Variants in CADPS observed in about 807,000 individuals in gnomAD.
The protein encoded by CADPS is calcium dependent secretion activator.
Under a neutral mutation model 167.3 loss-of-function variants are expected in CADPS, and 57 were observed. The ratio of observed to expected loss-of-function variants is 0.34; its 90% CI spans 0.28 to 0.42. The LOEUF (loss-of-function observed/expected upper bound fraction) is 0.42. Ranked by LOEUF, CADPS falls within the 20% of genes least tolerant of loss-of-function variation. CADPS has a pLI of 1.00. For missense variants in CADPS, 1,414 were observed against 1,738.1 expected (o/e 0.81, Z 3.32); for synonymous variants, 676 against 635.3 (o/e 1.06, Z -0.96).
At chr3:62,684,602 C>T (rs1164732540) in intron 3 of CADPS, among the ~76,000 whole-genome samples, 6 of 151,872 alleles carry the variant, frequency 4.0e-5, no homozygotes, top group African/African-American at 9.7e-5. Context: ...AAGGGCATAC[C>T]CAAGATTCAA....
At chr3:62,729,583 C>A (rs976355368) in intron 3 of CADPS, among the ~76,000 whole-genome samples, 1 of 151,902 alleles carries the variant, frequency 6.6e-6, no homozygotes, top group African/African-American at 2.4e-5. Context: ...AAGCATTTTG[C>A]ATCTCAATTT....
intron 28 of CADPS, among the ~76,000 whole-genome samples, chr3:62,408,594 A>G (rs1360357318): frequency 6.6e-6 from 1 of 152,212 alleles, no homozygotes; most frequent in Admixed American, 6.5e-5. Flanking sequence ...TCAGCTATAT[A>G]GAGTGTTGCT....
intron 9 of CADPS, among the ~76,000 whole-genome samples, chr3:62,565,562 G>A (rs2080004742): frequency 6.6e-6 from 1 of 152,134 alleles, no homozygotes; most frequent in Admixed American, 6.5e-5. Context: ...GCACCTTGGG[G>A]TCTGCATTTT....
At chr3:62,736,758 C>A (rs1207095743) in intron 3 of CADPS, among the ~76,000 whole-genome samples, 1 of 152,190 alleles carries the variant, frequency 6.6e-6, no homozygotes, top group African/African-American at 2.4e-5. Context: ...GGATTTCTTA[C>A]TATATCCTGC....
At chr3:62,660,732 T>G (rs1344443463) in intron 4 of CADPS, among the ~76,000 whole-genome samples, 4 of 152,116 alleles carry the variant, frequency 2.6e-5, no homozygotes, top group Non-Finnish European at 5.9e-5. Context: ...GTGAATACAG[T>G]AGGAATCATC....
chr3:62,400,172 G>A (rs1245504210), intron 29 of CADPS, among the ~76,000 whole-genome samples: 1 of 152,206 alleles, frequency 6.6e-6, no homozygotes, highest in Non-Finnish European at 1.5e-5. Flanking sequence ...TTGCAGACAT[G>A]TGACTCATTT....
At chr3:62,800,335 A>T (rs2093687361) in intron 1 of CADPS, among the ~76,000 whole-genome samples, 1 of 152,262 alleles carries the variant, frequency 6.6e-6, no homozygotes, top group Non-Finnish European at 1.5e-5. Flanking sequence ...GGGTGAAAAA[A>T]ATGTTGAAAG....
chr3:62,744,571 G>C (rs142470027), intron 3 of CADPS, among the ~76,000 whole-genome samples: 1 of 152,290 alleles, frequency 6.6e-6, no homozygotes, highest in African/African-American at 2.4e-5. Context: ...TATTTGCAAG[G>C]CTGTGCTAGA....
At chr3:62,445,725 A>AC in intron 27 of CADPS, 40 bp downstream of exon 27, 1 of 1,328,126 alleles carries the variant, frequency 7.5e-7, no homozygotes, top group Non-Finnish European at 1.0e-6. Context: ...AAAAAAAAAA[A>AC]ACAAAAAAAC....
intron 1 of CADPS, among the ~76,000 whole-genome samples, chr3:62,869,117 C>T (rs1439234154): frequency 1.3e-5 from 2 of 152,078 alleles, no homozygotes; most frequent in Admixed American, 6.6e-5. Flanking sequence ...ATCCAAAGTG[C>T]TTCAATGAGC....
chr3:62,853,460 C>A (rs1475695457), intron 1 of CADPS, among the ~76,000 whole-genome samples: 1 of 151,310 alleles, frequency 6.6e-6, no homozygotes, highest in African/African-American at 2.4e-5. Flanking sequence ...CCCCTCTCTA[C>A]TAAAAATACA....
At chr3:62,720,364 G>A (rs566197398) in intron 3 of CADPS, among the ~76,000 whole-genome samples, 4 of 150,218 alleles carry the variant, frequency 2.7e-5, no homozygotes, top group South Asian at 4.2e-4. Flanking sequence ...ACACGGTATC[G>A]CTCTGTCACT....
intron 3 of CADPS, among the ~76,000 whole-genome samples, chr3:62,722,513 G>A (rs1398175313): frequency 6.6e-6 from 1 of 152,364 alleles, no homozygotes; most frequent in Non-Finnish European, 1.5e-5. Flanking sequence ...GAGATCCTGT[G>A]TCACACAGGT....
intron 13 of CADPS, among the ~76,000 whole-genome samples, chr3:62,520,835 C>T (rs2070357784): frequency 6.6e-6 from 1 of 152,100 alleles, no homozygotes; most frequent in Non-Finnish European, 1.5e-5. Flanking sequence ...CAAAAGGATC[C>T]CTTTTTTGTT....
chr3:62,597,804 C>T (rs2059141449), intron 6 of CADPS, among the ~76,000 whole-genome samples: 1 of 152,132 alleles, frequency 6.6e-6, no homozygotes. Context: ...CTTGGCTCAC[C>T]TCAAGCTGTC....
intron 26 of CADPS, among the ~76,000 whole-genome samples, chr3:62,450,703 G>C (rs954939045): frequency 6.6e-6 from 1 of 152,236 alleles, no homozygotes; most frequent in Admixed American, 6.5e-5. Flanking sequence ...AAATTGGGAA[G>C]AGCCGCTGTC....
chr3:62,679,961 A>G (rs965383849), intron 3 of CADPS, among the ~76,000 whole-genome samples: 1 of 152,048 alleles, frequency 6.6e-6, no homozygotes, highest in Non-Finnish European at 1.5e-5. Context: ...ATTATAATTT[A>G]TATAAAGATC....
At chr3:62,856,527 A>G (rs1009405831) in intron 1 of CADPS, among the ~76,000 whole-genome samples, 6 of 152,110 alleles carry the variant, frequency 3.9e-5, no homozygotes, top group Non-Finnish European at 7.4e-5. Context: ...AAAAAATGCA[A>G]GAAGAGTCAT....
chr3:62,650,772 C>CTGAT, intron 5 of CADPS, 75 bp downstream of exon 5: 2 of 1,074,284 alleles, frequency 1.9e-6, no homozygotes, highest in Non-Finnish European at 2.8e-6. Flanking sequence ...AAAAAACAAG[C>CTGAT]TGATTGTGAC....
Sources: gnomAD v4.1 joint callset for allele counts (sites outside exome capture counted in the v4.1 genomes callset) on GRCh38, gnomAD v4.1.1 for gene constraint, MANE v1.5 for transcripts, NCBI Gene and HGNC (gene_info 2026-07-23, HGNC 2026-07-21) for gene names.